DLC1: variants seen among roughly 807,000 people sequenced by gnomAD.
DLC1 encodes rho GTPase-activating protein 7.
DLC1 carries 54 observed loss-of-function variants against 140.3 expected under a neutral mutation model. The ratio of observed to expected loss-of-function variants is 0.38; its 90% CI spans 0.31 to 0.48. DLC1 has a LOEUF of 0.48. Ranked by LOEUF, DLC1 falls within the 20% of genes least tolerant of loss-of-function variation. The probability of loss-of-function intolerance (pLI) is 0.96; values close to 1 mark genes in which losing one functional copy is unlikely to be tolerated. For synonymous variants in DLC1, 986 were observed against 728.1 expected (o/e 1.35, Z -5.70); for missense variants, 2,536 against 1,907.0 (o/e 1.33, Z -6.14).
rs902070047 is a variant in DLC1, at chr8:13,094,772, T to C, written c.3513A>G (p.Leu1171=). Residue 1171 remains leucine, a synonymous_variant, in exon 12 of 18, where the codon CTA becomes CTG. Transcript: ENST00000276297. Reference sequence around the variant, plus strand: ...AAGGACACTCACATTGGTAGATCTGTAGAAAGGTTTCCGAGAGTTTGTTCG... The same window carrying C: ...AAGGACACTCACATTGGTAGATCTGCAGAAAGGTTTCCGAGAGTTTGTTCG... ...LMTNKLSETF[L]QIYQYVPKDQ... The C allele has an allele frequency of 1.2e-6, 2 of 1,614,174 alleles. No homozygotes were observed. Among genetic ancestry groups the C allele is most frequent in the Non-Finnish European group, 1.7e-6 (2 of 1,180,022 alleles).
intron 1 of DLC1, among the ~76,000 whole-genome samples, chr8:13,587,602 C>CCTATAT (rs1491096140): frequency 7.0e-6 from 1 of 142,096 alleles, no homozygotes; most frequent in South Asian, 2.2e-4. Flanking sequence ...ATATACATTG[C>CCTATAT]ATATATATAT....
intron 2 of DLC1, among the ~76,000 whole-genome samples, chr8:13,475,957 C>T (rs1041901719): frequency 6.6e-6 from 1 of 152,164 alleles, no homozygotes; most frequent in Non-Finnish European, 1.5e-5. Flanking sequence ...TATTTCATAA[C>T]CATTTCTCCA....
rs1031232580 is a variant in DLC1 at position 13,100,801 on chromosome 8, CTG to C, written c.1567-33_1567-32del. On this transcript the variant is annotated intron_variant, in intron 8 of 17. Transcript: ENST00000276297. The stretch of plus-strand genomic sequence containing the variant: ...AAGACAGAAAGGAGCCATTCACACA[CTG>C]GGGCTGGCAGCCAGCAGGGAGCAGG... 8 of 1,525,836 alleles carry C rather than the reference CTG, an allele frequency of 5.2e-6. No homozygotes were observed. The African/African-American group carries it at 1.1e-4, about 21-fold the overall frequency. The allele number at this position is 1,525,836 out of a possible 1,614,324, so 94.5% of individuals were successfully genotyped here.
intron 5 of DLC1, among the ~76,000 whole-genome samples, chr8:13,290,114 T>A (rs1172603563): frequency 6.6e-6 from 1 of 152,216 alleles, no homozygotes; most frequent in African/African-American, 2.4e-5. Context: ...GTTTTGGTTA[T>A]ATTTATAATA....
intron 5 of DLC1, among the ~76,000 whole-genome samples, chr8:13,184,116 G>C (rs991138494): frequency 6.6e-6 from 1 of 152,192 alleles, no homozygotes; most frequent in African/African-American, 2.4e-5. Context: ...GGTGTTAATA[G>C]TATTCTCTGA....
At chr8:13,364,572 C>T (rs1425076841) in intron 4 of DLC1, among the ~76,000 whole-genome samples, 2 of 152,218 alleles carry the variant, frequency 1.3e-5, no homozygotes, top group Admixed American at 6.5e-5. Flanking sequence ...GCTGGGATTA[C>T]AGGTGTGAAC....
chr8:13,563,062 G>A (rs373653371), intron 1 of DLC1, among the ~76,000 whole-genome samples: 10 of 152,226 alleles, frequency 6.6e-5, no homozygotes, highest in Non-Finnish European at 1.2e-4. Flanking sequence ...TATAGGGAAC[G>A]TAATGGCAAG....
intron 1 of DLC1, among the ~76,000 whole-genome samples, chr8:13,544,519 A>G (rs1174366594): frequency 1.3e-5 from 2 of 152,172 alleles, no homozygotes; most frequent in Non-Finnish European, 2.9e-5. Context: ...GAGAGCCTAC[A>G]GCGTGAGGGG....
intron 4 of DLC1, among the ~76,000 whole-genome samples, chr8:13,361,129 G>T (rs1414586844): frequency 6.7e-6 from 1 of 149,410 alleles, no homozygotes; most frequent in African/African-American, 2.4e-5. Flanking sequence ...CTGCTCAGGA[G>T]GTTGAGGTAG....
intron 1 of DLC1, among the ~76,000 whole-genome samples, chr8:13,520,682 C>T (rs570271023): frequency 1.6e-3 from 237 of 152,110 alleles, no homozygotes; most frequent in African/African-American, 5.2e-3. Context: ...CAAGAGGGCA[C>T]GTATGTCTTA....
chr8:13,311,678 C>G (rs1832669128), intron 4 of DLC1, among the ~76,000 whole-genome samples: 1 of 152,090 alleles, frequency 6.6e-6, no homozygotes, highest in African/African-American at 2.4e-5. Context: ...TTTATTTATA[C>G]TATATGGTGC....
intron 2 of DLC1, among the ~76,000 whole-genome samples, chr8:13,413,256 A>ACTTTTTTTTT (rs1491415150): frequency 1.2e-5 from 1 of 82,022 alleles, no homozygotes; most frequent in Non-Finnish European, 2.3e-5. Context: ...TTTTTTTGCG[A>ACTTTTTTTTT]TTTTTTTTTT....
chr8:13,523,187 T>G (rs1448174552), intron 1 of DLC1, among the ~76,000 whole-genome samples: 1 of 152,168 alleles, frequency 6.6e-6, no homozygotes, highest in Non-Finnish European at 1.5e-5. Flanking sequence ...CAGGTCACTG[T>G]GGTAATCCAG....
rs1357856404 is a variant in DLC1, at chr8:13,094,623, G to A, written c.3526+136C>T. ...AGAGGTTGCAGTGAGCCGAGGTCACGCCACTGCACTCCAGCCTGGATGACA... is the reference window on the plus strand; with the variant it reads ...AGAGGTTGCAGTGAGCCGAGGTCACACCACTGCACTCCAGCCTGGATGACA... On this transcript the variant is annotated intron_variant, in intron 12 of 17. Coordinates refer to ENST00000276297, the MANE Select transcript of DLC1 (RefSeq NM_182643.3). 1.0e-4 allele frequency: 106 copies of A among 1,057,686 alleles called. 1 individual carries two copies. The highest frequency in any genetic ancestry group is 2.1e-4 in the Middle Eastern group (1 of 4,704). 65.5% of individuals were successfully genotyped at this position (1,057,686 alleles called of 1,614,324 possible).
intron 5 of DLC1, among the ~76,000 whole-genome samples, chr8:13,189,148 A>G (rs188413295): frequency 5.3e-5 from 8 of 151,948 alleles, no homozygotes; most frequent in Non-Finnish European, 8.8e-5. Context: ...AAGTATTTCA[A>G]CTCTCTCTGC....
chr8:13,468,577 G>C (rs1378532018), intron 2 of DLC1, among the ~76,000 whole-genome samples: 1 of 151,694 alleles, frequency 6.6e-6, no homozygotes, highest in Non-Finnish European at 1.5e-5. Flanking sequence ...GTATTACTAT[G>C]TTGCCCAGGC....
intron 9 of DLC1, 89 bp from the exon 10 acceptor site, chr8:13,098,664 G>T: frequency 7.3e-7 from 1 of 1,364,282 alleles, no homozygotes; most frequent in Non-Finnish European, 9.8e-7. Context: ...TGCCCAGGCT[G>T]GAGTGCAGTG....
chr8:13,507,660 C>T lies in DLC1; in HGVS notation c.-126+6942G>A, dbSNP rs187967334. Among the ~76,000 whole-genome samples the T allele has an allele frequency of 1.6e-4, 25 of 152,288 alleles. No homozygotes were observed. The East Asian group carries it at 4.2e-3, about 26-fold the overall frequency. ...GGAATGTACTTGTTATACCTCATTACATGTTAGTGGAAAACATGAATCCCT... is the reference window on the plus strand; with the variant it reads ...GGAATGTACTTGTTATACCTCATTATATGTTAGTGGAAAACATGAATCCCT... On this transcript the variant is annotated intron_variant, in intron 1 of 17. Transcript: ENST00000276297.
intron 5 of DLC1, among the ~76,000 whole-genome samples, chr8:13,247,305 T>C (rs902205172): frequency 3.3e-4 from 51 of 152,316 alleles, no homozygotes; most frequent in African/African-American, 1.2e-3. Context: ...GAAGTACAAT[T>C]GCAAAACTAG....
Sources: allele counts gnomAD v4.1 joint callset (sites outside exome capture counted in the v4.1 genomes callset), GRCh38; gene constraint gnomAD v4.1.1; transcripts MANE v1.5; gene names NCBI Gene and HGNC (gene_info 2026-07-23, HGNC 2026-07-21).